Variants in PTGER4 observed in about 807,000 individuals in gnomAD.
PTGER4 encodes prostaglandin E receptor 4.
Under a neutral mutation model 33.2 loss-of-function variants are expected in PTGER4, and 11 were observed. The observed-to-expected ratio is 0.33, with a 90% confidence interval of 0.21 to 0.55. The LOEUF (loss-of-function observed/expected upper bound fraction) is 0.55. Ranked by LOEUF, PTGER4 falls within the 20% of genes least tolerant of loss-of-function variation. PTGER4 has a pLI of 0.92. For synonymous variants in PTGER4, 275 were observed against 281.5 expected, an observed-to-expected ratio of 0.98 and a Z score of 0.23; for missense variants, 481 against 650.2, an observed-to-expected ratio of 0.74 and a Z score of 2.83.
the PTGER4 span, among the ~76,000 whole-genome samples, chr5:40,709,357 G>A: frequency 2.0e-5 from 3 of 152,028 alleles, no homozygotes; most frequent in Admixed American, 1.3e-4. Context: ...AAATCAATGT[G>A]CAAAAATCAC....
At chr5:40,728,510 TAATATTC>T in the PTGER4 span, 85 of 1,556,616 alleles carry the variant, frequency 5.5e-5, no homozygotes, top group Non-Finnish European at 6.9e-5. Context: ...AATCTGTCAG[TAATATTC>T]ATAAACTAGC....
chr5:40,731,180 A>C, the PTGER4 span, among the ~76,000 whole-genome samples: 1 of 152,192 alleles, frequency 6.6e-6, no homozygotes, highest in South Asian at 2.1e-4. Flanking sequence ...CAAAGGTAGC[A>C]GTAATAAATT....
chr5:40,740,552 C>T, the PTGER4 span, among the ~76,000 whole-genome samples: 1 of 152,168 alleles, frequency 6.6e-6, no homozygotes, highest in Non-Finnish European at 1.5e-5. Context: ...ATAAATATCT[C>T]ATGGCTTTTC....
intron 2 of PTGER4, among the ~76,000 whole-genome samples, chr5:40,684,124 A>C (rs200314113): frequency 0.055 from 4,043 of 73,464 alleles, 47 homozygotes; most frequent in Middle Eastern, 0.1. Context: ...CCACCCACCC[A>C]CCCCCCCCCC....
the PTGER4 span, among the ~76,000 whole-genome samples, chr5:40,736,233 A>C: frequency 6.6e-6 from 1 of 152,174 alleles, no homozygotes; most frequent in Non-Finnish European, 1.5e-5. Context: ...GTCATTCTAC[A>C]CTGACTGTAT....
At chr5:40,730,281 AG>A in the PTGER4 span, 2 of 1,607,608 alleles carry the variant, frequency 1.2e-6, no homozygotes, top group Non-Finnish European at 1.7e-6. Context: ...CATCTCGTAT[AG>A]GGTAGCATCA....
the PTGER4 span, among the ~76,000 whole-genome samples, chr5:40,710,227 C>G: frequency 6.6e-6 from 1 of 152,006 alleles, no homozygotes. Flanking sequence ...AACAAATTTA[C>G]AAGAAAAAAA....
At chr5:40,711,101 AAAAC>A in the PTGER4 span, among the ~76,000 whole-genome samples, 8 of 152,012 alleles carry the variant, frequency 5.3e-5, no homozygotes, top group Admixed American at 3.9e-4. Flanking sequence ...ATATATATAG[AAAAC>A]AAACAAGCAA....
chr5:40,696,543 A>C (rs1258501807), downstream of PTGER4: 1 of 455,964 alleles, frequency 2.2e-6, no homozygotes, highest in African/African-American at 2.1e-5. Flanking sequence ...TTTAGCCCCA[A>C]ACTGGAAGTA....
the PTGER4 span, among the ~76,000 whole-genome samples, chr5:40,702,932 A>G: frequency 6.6e-6 from 1 of 152,254 alleles, no homozygotes; most frequent in Non-Finnish European, 1.5e-5. Flanking sequence ...AAATAATAAA[A>G]TTAAGGCAGA....
the PTGER4 span, among the ~76,000 whole-genome samples, chr5:40,732,209 G>C: frequency 1.3e-5 from 2 of 151,960 alleles, no homozygotes; most frequent in South Asian, 4.1e-4. Context: ...TAGAGACAGG[G>C]TCTCACTATG....
intron 2 of PTGER4, among the ~76,000 whole-genome samples, chr5:40,684,472 C>T (rs1271737768): frequency 6.6e-6 from 1 of 152,076 alleles, no homozygotes; most frequent in Non-Finnish European, 1.5e-5. Flanking sequence ...AAACAAGCAG[C>T]CACTGAAAAG....
the PTGER4 span, among the ~76,000 whole-genome samples, chr5:40,708,999 C>A: frequency 6.6e-6 from 1 of 152,170 alleles, no homozygotes; most frequent in South Asian, 2.1e-4. Context: ...ATGCTAAAAA[C>A]TCTCAATAAA....
the PTGER4 span, among the ~76,000 whole-genome samples, chr5:40,700,957 G>C: frequency 2.6e-5 from 4 of 152,126 alleles, no homozygotes; most frequent in Non-Finnish European, 4.4e-5. Flanking sequence ...TGAAACCAGA[G>C]ACAAGAAGTC....
intron 2 of PTGER4, among the ~76,000 whole-genome samples, chr5:40,687,842 A>G (rs866563601): frequency 1.3e-5 from 2 of 152,270 alleles, no homozygotes; most frequent in Middle Eastern, 3.4e-3. Flanking sequence ...GGCTTGTACT[A>G]ATTGTAAACT....
At chr5:40,703,524 C>T in the PTGER4 span, among the ~76,000 whole-genome samples, 1 of 152,042 alleles carries the variant, frequency 6.6e-6, no homozygotes, top group South Asian at 2.1e-4. Context: ...AAAAAAAGCC[C>T]AGGACCTGAT....
downstream of PTGER4, among the ~76,000 whole-genome samples, chr5:40,697,744 A>C (rs1474389581): frequency 6.6e-6 from 1 of 152,062 alleles, no homozygotes; most frequent in African/African-American, 2.4e-5. Flanking sequence ...TATTGACTCC[A>C]TGAAAAACAA....
At chr5:40,732,501 A>G in the PTGER4 span, among the ~76,000 whole-genome samples, 1 of 151,426 alleles carries the variant, frequency 6.6e-6, no homozygotes, top group Non-Finnish European at 1.5e-5. Context: ...TCCTCCTTGT[A>G]TTTTTGTCTT....
chr5:40,686,777 G>A (rs904176070), intron 2 of PTGER4, among the ~76,000 whole-genome samples: 1 of 152,142 alleles, frequency 6.6e-6, no homozygotes, highest in Admixed American at 6.6e-5. Context: ...ATGTGCCTGT[G>A]GTCCCAGCAA....
Sources: allele counts gnomAD v4.1 joint callset (sites outside exome capture counted in the v4.1 genomes callset), GRCh38; gene constraint gnomAD v4.1.1; transcripts MANE v1.5; gene names NCBI Gene and HGNC (gene_info 2026-07-23, HGNC 2026-07-21).